Variants in GRIN2D observed in about 807,000 individuals in gnomAD.
GRIN2D encodes the protein glutamate receptor ionotropic, NMDA 2D.
Under a neutral mutation model 103.2 loss-of-function variants are expected in GRIN2D, and 37 were observed. The observed-to-expected ratio is 0.36, with a 90% CI of 0.28 to 0.47. The LOEUF (loss-of-function observed/expected upper bound fraction) is 0.47. Among genes scored for constraint, GRIN2D ranks in the 20% least tolerant of loss-of-function variants. GRIN2D has a pLI of 1.00. For synonymous variants in GRIN2D, 845 were observed against 885.6 expected (o/e 0.95, Z 0.81); for missense variants, 1,557 against 1,910.6 (o/e 0.81, Z 3.45).
intron 2 of GRIN2D, among the ~76,000 whole-genome samples, chr19:48,396,494 G>A (rs1306503515): frequency 6.6e-6 from 1 of 152,004 alleles, no homozygotes; most frequent in Non-Finnish European, 1.5e-5. Context: ...GGGAATGGAG[G>A]GGAGCGTGAG....
chr19:48,415,066 G>A, intron 7 of GRIN2D, 34 bp downstream of exon 7: 1 of 1,545,236 alleles, frequency 6.5e-7, no homozygotes, highest in Non-Finnish European at 8.8e-7. Context: ...GGAATCTTCG[G>A]GGCGGAGTCG....
intron 4 of GRIN2D, among the ~76,000 whole-genome samples, chr19:48,412,421 A>AAAAGAAAAAG (rs1555892636): frequency 4.1e-5 from 5 of 123,330 alleles, no homozygotes; most frequent in African/African-American, 6.2e-5. Context: ...AAAGAGAAAG[A>AAAAGAAAAAG]AAAGAAAGAA....
intron 11 of GRIN2D, among the ~76,000 whole-genome samples, chr19:48,426,287 G>A (rs1242951048): frequency 2.9e-5 from 4 of 139,990 alleles, no homozygotes; most frequent in Non-Finnish European, 4.5e-5. Flanking sequence ...GTGCAGTTGC[G>A]CGATCTCGGC....
rs1970653230 is a variant in GRIN2D at position 48,425,117 on chromosome 19, G to T, written c.2252+3172G>T. ...CACTTGCGCCTTCCTCAGAAGGCAG[G>T]GATGGCTGCAAACAGAATCACTTTC... On this transcript the variant is annotated intron_variant, in intron 11 of 13. Transcript: ENST00000263269. Among the ~76,000 whole-genome samples the T allele has an allele frequency of 2.0e-5, 3 of 151,980 alleles. No individual in the cohort carries two copies. In the South Asian group the frequency reaches 6.2e-4, roughly 32 times the overall value.
intron 11 of GRIN2D, among the ~76,000 whole-genome samples, chr19:48,435,724 A>C (rs1971221213): frequency 6.6e-6 from 1 of 152,124 alleles, no homozygotes; most frequent in Non-Finnish European, 1.5e-5. Flanking sequence ...TGGGGTTAGA[A>C]GCATGAGCCA....
rs1427572143 is a variant in GRIN2D, at chr19:48,442,419, G to A, written c.2673+37G>A. On this transcript the variant is annotated intron_variant, in intron 13 of 13. Transcript: ENST00000263269. The surrounding 1 kb of genome is among the most constrained non-coding windows in gnomAD (Gnocchi z 7.2). The stretch of plus-strand genomic sequence containing the variant: ...AGAGGGAGGCAGAGAGGGGGAGATG[G>A]CAGGGGCGGGGACAAAGGTAAAGCC... The A allele has an allele frequency of 2.5e-6, 4 of 1,579,716 alleles. No individual in the cohort carries two copies. The highest frequency in any genetic ancestry group is 2.6e-6 in the Non-Finnish European group (3 of 1,159,118).
Position 48,414,966 on chromosome 19 carries a change from C to T in GRIN2D, c.1515C>T (p.Leu505=). The stretch of plus-strand genomic sequence containing the variant: ...ATACCATCGGCTTCAGCTACGACCT[C>T]TACCTGGTCACCAATGGCAAGCACG... ...LAHTIGFSYD[L]YLVTNGKHGK... Residue 505 remains leucine, a synonymous_variant, in exon 7 of 14, where the codon CTC becomes CTT. Transcript: ENST00000263269. This position sits in a 1 kb window ranked among gnomAD's most constrained non-coding sequence, Gnocchi z 4.6. The T allele has an allele frequency of 6.2e-7, 1 of 1,613,572 alleles. No homozygotes were observed. Among genetic ancestry groups the T allele is most frequent in the Non-Finnish European group, 8.5e-7 (1 of 1,179,726 alleles).
chr19:48,414,766 G>A lies in GRIN2D; in HGVS notation c.1413-98G>A, dbSNP rs1487396593. 3 of 1,417,976 alleles carry A rather than the reference G, an allele frequency of 2.1e-6. No individual in the cohort carries two copies. In the East Asian group the frequency reaches 6.9e-5, roughly 32 times the overall value. 87.8% of individuals were successfully genotyped at this position (1,417,976 alleles called of 1,614,324 possible). The stretch of plus-strand genomic sequence containing the variant: ...GTTTCCCCTGAAAGCGCTAACCATA[G>A]TTTTAGCTGCCGCCTATCCCTTCCT... On this transcript the variant is annotated intron_variant, in intron 6 of 13. Coordinates refer to ENST00000263269, the MANE Select transcript of GRIN2D (RefSeq NM_000836.4). This position sits in a 1 kb window ranked among gnomAD's most constrained non-coding sequence, Gnocchi z 4.6.
At chr19:48,432,086 A>G (rs1971164508) in intron 11 of GRIN2D, among the ~76,000 whole-genome samples, 1 of 150,094 alleles carries the variant, frequency 6.7e-6, no homozygotes, top group South Asian at 2.1e-4. Flanking sequence ...TAATTTTTGT[A>G]TTTTTAGTAG....
intron 11 of GRIN2D, among the ~76,000 whole-genome samples, chr19:48,425,022 T>TTCTCTCTC (rs111577135): frequency 6.7e-6 from 1 of 148,690 alleles, no homozygotes; most frequent in Non-Finnish European, 1.5e-5. Context: ...AGATTCTCTC[T>TTCTCTCTC]TCTCTCTCTC....
rs1480522659 is a variant in GRIN2D at position 48,414,930 on chromosome 19, G to A, written c.1479G>A (p.Lys493=). The change falls in exon 7 of 14, where the codon AAG becomes AAA. Residue 493 remains lysine (K), a synonymous_variant. Coordinates refer to ENST00000263269, the MANE Select transcript of GRIN2D (RefSeq NM_000836.4). The surrounding 1 kb of genome is among the most constrained non-coding windows in gnomAD (Gnocchi z 4.6). Reference sequence around the variant, plus strand: ...AGGGTTTCTGCATCGACATTCTGAAGCGGCTGGCGCATACCATCGGCTTCA... The same window carrying A: ...AGGGTTTCTGCATCGACATTCTGAAACGGCTGGCGCATACCATCGGCTTCA... ...CCKGFCIDIL[K]RLAHTIGFSY... The A allele has an allele frequency of 1.2e-6, 2 of 1,614,102 alleles. No homozygotes were observed. The highest frequency in any genetic ancestry group is 3.3e-5 in the Admixed American group (2 of 60,014).
intron 8 of GRIN2D, among the ~76,000 whole-genome samples, chr19:48,418,638 T>C (rs914984656): frequency 1.3e-5 from 2 of 151,976 alleles, no homozygotes; most frequent in African/African-American, 2.4e-5. Context: ...GGCTGGATAC[T>C]GACAGGCTGT....
chr19:48,432,622 G>C (rs1218398278), intron 11 of GRIN2D, among the ~76,000 whole-genome samples: 8 of 151,672 alleles, frequency 5.3e-5, no homozygotes, highest in Non-Finnish European at 1.2e-4. Flanking sequence ...TGGACTACAG[G>C]TGTGTGCCAC....
intron 3 of GRIN2D, among the ~76,000 whole-genome samples, chr19:48,404,079 G>A (rs944067436): frequency 2.0e-5 from 3 of 152,068 alleles, no homozygotes; most frequent in African/African-American, 7.2e-5. Context: ...GTCTCTACCA[G>A]AAATACAAAA....
intron 10 of GRIN2D, among the ~76,000 whole-genome samples, chr19:48,420,720 G>T (rs1337922947): frequency 3.3e-5 from 5 of 152,068 alleles, no homozygotes; most frequent in Non-Finnish European, 7.3e-5. Flanking sequence ...CAGCTACTTG[G>T]GAGGCTGAGG....
intron 3 of GRIN2D, among the ~76,000 whole-genome samples, chr19:48,401,333 C>T (rs1970708924): frequency 1.3e-5 from 2 of 152,146 alleles, no homozygotes; most frequent in South Asian, 4.2e-4. Context: ...ACAGACAAAA[C>T]CAGTAACAGT....
intron 11 of GRIN2D, among the ~76,000 whole-genome samples, chr19:48,435,242 G>T (rs548924530): frequency 6.7e-6 from 1 of 150,284 alleles, no homozygotes; most frequent in Non-Finnish European, 1.5e-5. Flanking sequence ...AAAAGCTGCC[G>T]TCTTCCTCTG....
At position 48,421,969 on chromosome 19, in the gene GRIN2D, G is replaced by T; in HGVS notation, c.2252+24G>T. ...GGGTCAGCGCAGACTCGGGCCGGGG[G>T]TGGGGGTTGGGCCGCTGGGGACCTG... is the stretch of plus-strand genomic sequence containing the variant. On this transcript the variant is annotated intron_variant, in intron 11 of 13. Coordinates refer to ENST00000263269, the MANE Select transcript of GRIN2D (RefSeq NM_000836.4). The surrounding 1 kb of genome is among the most constrained non-coding windows in gnomAD (Gnocchi z 4.8). The T allele has an allele frequency of 1.2e-6, 2 of 1,609,612 alleles. No individual in the cohort carries two copies. Among genetic ancestry groups the T allele is most frequent in the Non-Finnish European group, 1.7e-6 (2 of 1,177,104 alleles).
intron 11 of GRIN2D, among the ~76,000 whole-genome samples, chr19:48,432,682 C>T (rs1006314704): frequency 3.3e-5 from 5 of 151,722 alleles, no homozygotes; most frequent in Admixed American, 3.3e-4. Context: ...TGCTCTTGAA[C>T]TCCTAGGATC....
Sources: allele counts gnomAD v4.1 joint callset (sites outside exome capture counted in the v4.1 genomes callset), GRCh38; gene constraint gnomAD v4.1.1; non-coding constraint Gnocchi (gnomAD v3.1); transcripts MANE v1.5; gene names NCBI Gene and HGNC (gene_info 2026-07-23, HGNC 2026-07-21).